The following RFPL1 variants were observed in gnomAD, a reference collection of about 807,000 sequenced individuals.
RFPL1 encodes the protein ret finger protein like 1.
In RFPL1, 6 loss-of-function variants were observed where a neutral mutation model predicts 9.6. The observed-to-expected ratio is 0.62, with a 90% CI of 0.34 to 1.23. RFPL1 has a LOEUF of 1.23. Among genes scored for constraint, RFPL1 ranks in the 50% most tolerant of loss-of-function variants. RFPL1 has a pLI of 0.03. For missense variants in RFPL1, 352 were observed against 398.4 expected (o/e 0.88, Z 0.99); for synonymous variants, 145 against 149.4 (o/e 0.97, Z 0.22).
At chr22:29,398,838 T>C in the RFPL1 span, among the ~76,000 whole-genome samples, 4 of 152,202 alleles carry the variant, frequency 2.6e-5, no homozygotes, top group Non-Finnish European at 4.4e-5. Context: ...AAATCTTCCT[T>C]CTTCTTCCTG....
chr22:29,426,050 C>T, the RFPL1 span, among the ~76,000 whole-genome samples: 1 of 151,622 alleles, frequency 6.6e-6, no homozygotes, highest in Admixed American at 6.6e-5. Context: ...AGGCCGGGTG[C>T]GGTGGCTTAT....
upstream of RFPL1, chr22:29,434,495 T>C: frequency 6.3e-6 from 1 of 158,604 alleles, no homozygotes. Context: ...TCTGAAGACC[T>C]GTGGAGTGTC....
the RFPL1 span, among the ~76,000 whole-genome samples, chr22:29,424,085 C>T: frequency 3.0e-4 from 46 of 151,924 alleles, no homozygotes; most frequent in African/African-American, 1.0e-3. Context: ...GAGGCTGAGG[C>T]GGAAAAATCA....
the RFPL1 span, among the ~76,000 whole-genome samples, chr22:29,417,274 G>C: frequency 6.6e-6 from 1 of 151,922 alleles, no homozygotes; most frequent in Admixed American, 6.6e-5. Context: ...TCTGGGTGAA[G>C]GAGAGCAGCT....
At chr22:29,395,691 A>G in the RFPL1 span, among the ~76,000 whole-genome samples, 1 of 152,298 alleles carries the variant, frequency 6.6e-6, no homozygotes, top group East Asian at 1.9e-4. Flanking sequence ...CCAGGCTCTC[A>G]GATGGGCACA....
At chr22:29,393,959 G>A in the RFPL1 span, among the ~76,000 whole-genome samples, 1 of 152,008 alleles carries the variant, frequency 6.6e-6, no homozygotes, top group East Asian at 1.9e-4. Context: ...TTACAGGCAT[G>A]AGCCACCACG....
the RFPL1 span, among the ~76,000 whole-genome samples, chr22:29,397,145 G>C: frequency 6.7e-6 from 1 of 149,782 alleles, no homozygotes; most frequent in Non-Finnish European, 1.5e-5. Context: ...TCCTGACCTC[G>C]TGATCCGCCC....
the RFPL1 span, among the ~76,000 whole-genome samples, chr22:29,427,538 A>G: frequency 2.0e-5 from 3 of 152,232 alleles, no homozygotes; most frequent in Non-Finnish European, 2.9e-5. Context: ...TGCCTTTCTC[A>G]TTCCAAGACT....
chr22:29,439,083 A>G (rs759987373), exon 1 of RFPL1: 1 of 1,614,134 alleles, frequency 6.2e-7, no homozygotes, highest in Non-Finnish European at 8.5e-7. Flanking sequence ...GCAGCTAGAG[A>G]GGCTGGCTTC....
At chr22:29,420,856 G>A in the RFPL1 span, among the ~76,000 whole-genome samples, 1 of 151,684 alleles carries the variant, frequency 6.6e-6, no homozygotes, top group East Asian at 1.9e-4. Flanking sequence ...GGCCTGGGTG[G>A]TCTTAAACTC....
chr22:29,431,835 T>G, the RFPL1 span, among the ~76,000 whole-genome samples: 1 of 151,912 alleles, frequency 6.6e-6, no homozygotes, highest in East Asian at 1.9e-4. Flanking sequence ...GGATTACAGA[T>G]GTGCGCCACC....
chr22:29,430,057 A>G, the RFPL1 span, among the ~76,000 whole-genome samples: 1 of 135,742 alleles, frequency 7.4e-6, no homozygotes. Context: ...CTATAGAAAT[A>G]TGATGTGACT....
intron 1 of RFPL1, 94 bp from the exon 2 acceptor site, chr22:29,441,448 C>T: frequency 1.4e-6 from 2 of 1,424,728 alleles, no homozygotes; most frequent in East Asian, 4.6e-5. Context: ...ATTAAAGAAA[C>T]CAAAGTCAAG....
the RFPL1 span, among the ~76,000 whole-genome samples, chr22:29,407,589 A>C: frequency 6.6e-6 from 1 of 151,738 alleles, no homozygotes; most frequent in Non-Finnish European, 1.5e-5. Flanking sequence ...TCTAAAATAA[A>C]TATAGGCCTA....
At chr22:29,441,724 G>A (rs577925684) in exon 2 of RFPL1, 16 of 1,613,942 alleles carry the variant, frequency 9.9e-6, no homozygotes, top group African/African-American at 2.7e-5. Flanking sequence ...GGAGGTGGAC[G>A]TGGGAACAAG....
At chr22:29,417,211 T>G in the RFPL1 span, among the ~76,000 whole-genome samples, 2 of 151,806 alleles carry the variant, frequency 1.3e-5, no homozygotes, top group Non-Finnish European at 2.9e-5. Context: ...GCCAGCTCTT[T>G]TGAGATGGAA....
chr22:29,401,542 CT>C, the RFPL1 span, among the ~76,000 whole-genome samples: 2 of 152,222 alleles, frequency 1.3e-5, no homozygotes, highest in Non-Finnish European at 2.9e-5. Flanking sequence ...CCTTAGCAGC[CT>C]GTTTTTCCTT....
chr22:29,435,080 A>G (rs942780741), upstream of RFPL1: 1 of 152,240 alleles, frequency 6.6e-6, no homozygotes, highest in Non-Finnish European at 1.5e-5. Flanking sequence ...GCCACAAGAT[A>G]ATGGAACAAA....
the RFPL1 span, among the ~76,000 whole-genome samples, chr22:29,424,755 G>A: frequency 6.6e-6 from 1 of 150,774 alleles, no homozygotes; most frequent in African/African-American, 2.4e-5. Context: ...CCAGGAGGCG[G>A]AGGTTGCAGT....
Sources: allele counts gnomAD v4.1 joint callset (sites outside exome capture counted in the v4.1 genomes callset), GRCh38; gene constraint gnomAD v4.1.1; transcripts MANE v1.5; gene names NCBI Gene and HGNC (gene_info 2026-07-23, HGNC 2026-07-21).